Variants in PPIH observed in about 807,000 individuals in gnomAD.
PPIH encodes the protein peptidylprolyl isomerase H.
A neutral mutation model predicts 27.6 loss-of-function variants in PPIH; 16 were observed. The observed-to-expected ratio is 0.58, with a 90% CI of 0.39 to 0.88. The LOEUF is 0.88. PPIH is among the 40% of genes least tolerant of loss of function. The pLI, the probability that PPIH is intolerant of heterozygous loss-of-function variation, is 0.00. For missense variants in PPIH, 155 were observed against 224.1 expected (o/e 0.69, Z 1.97); for synonymous variants, 63 against 76.1 (o/e 0.83, Z 0.90).
downstream of PPIH, among the ~76,000 whole-genome samples, chr1:42,679,650 A>G (rs76018849): frequency 5.9e-3 from 892 of 152,398 alleles, 13 homozygotes; most frequent in African/African-American, 0.02. Context: ...AAGCAGTTAC[A>G]TAGTGAGGCT....
At chr1:42,674,575 C>T (rs572130594) in intron 9 of PPIH, among the ~76,000 whole-genome samples, 1 of 152,308 alleles carries the variant, frequency 6.6e-6, no homozygotes, top group East Asian at 1.9e-4. Flanking sequence ...AAAAGGGGCA[C>T]TGACCCTCCA....
At chr1:42,663,695 A>C (rs2148713556) in intron 5 of PPIH, among the ~76,000 whole-genome samples, 1 of 152,240 alleles carries the variant, frequency 6.6e-6, no homozygotes, top group East Asian at 1.9e-4. Flanking sequence ...CCACCACACC[A>C]GGCCAGGTCT....
At chr1:42,680,490 G>A (rs1231903170), downstream of PPIH, among the ~76,000 whole-genome samples, 1 of 152,222 alleles carries the variant, frequency 6.6e-6, no homozygotes, top group Non-Finnish European at 1.5e-5. Context: ...AGAAGTCATA[G>A]AGTCCAGTAA....
At chr1:42,675,004 T>G (rs908213236) in intron 9 of PPIH, among the ~76,000 whole-genome samples, 1 of 152,150 alleles carries the variant, frequency 6.6e-6, no homozygotes, top group African/African-American at 2.4e-5. Flanking sequence ...CTTAACAAAA[T>G]AAAGAGGTAG....
At chr1:42,666,705 C>A in intron 8 of PPIH, 118 bp downstream of exon 8, 1 of 1,072,214 alleles carries the variant, frequency 9.3e-7, no homozygotes, top group African/African-American at 1.8e-5. Flanking sequence ...TCTTCATTGC[C>A]CCAGGAAAAG....
intron 9 of PPIH, among the ~76,000 whole-genome samples, chr1:42,670,947 T>C (rs1255942672): frequency 2.0e-5 from 3 of 152,054 alleles, no homozygotes; most frequent in Non-Finnish European, 4.4e-5. Context: ...AGGCGCACGC[T>C]GCCATGCCTG....
In PPIH at chr1:42,658,834, C is replaced by T. The variant is rs752774627; in HGVS notation, c.67-10C>T. Reference sequence around the variant, plus strand: ...GACTGGGCCTTCTGACACTCTCCCGCTGATTGCAGGAAGTTGGCCGCATGA... The same window carrying T: ...GACTGGGCCTTCTGACACTCTCCCGTTGATTGCAGGAAGTTGGCCGCATGA... On this transcript the variant is annotated splice_polypyrimidine_tract_variant and intron_variant, in intron 1 of 9. Transcript: ENST00000304979. 6 of 1,614,222 alleles carry T rather than the reference C, an allele frequency of 3.7e-6. No individual in the cohort carries two copies. Among genetic ancestry groups the T allele is most frequent in the Non-Finnish European group, 5.1e-6 (6 of 1,180,022 alleles).
At chr1:42,675,917 G>A (rs906450999) in intron 9 of PPIH, among the ~76,000 whole-genome samples, 2 of 152,276 alleles carry the variant, frequency 1.3e-5, no homozygotes, top group Admixed American at 6.5e-5. Context: ...TCTCATCACT[G>A]TCTAATTCTG....
chr1:42,658,592 G>A, intron 1 of PPIH, 80 bp downstream of exon 1: 1 of 1,475,174 alleles, frequency 6.8e-7, no homozygotes. Context: ...CCCAGAGAGA[G>A]CGGACTCGGG....
intron 9 of PPIH, among the ~76,000 whole-genome samples, chr1:42,670,796 T>C (rs1649589422): frequency 6.6e-6 from 1 of 152,146 alleles, no homozygotes; most frequent in Non-Finnish European, 1.5e-5. Flanking sequence ...TTATTTTTTA[T>C]TTATTTTTTA....
intron 2 of PPIH, 144 bp downstream of exon 2, chr1:42,659,052 C>A: frequency 1.5e-6 from 2 of 1,337,612 alleles, no homozygotes; most frequent in South Asian, 1.3e-5. Context: ...GTCTGGTTGC[C>A]GTTTGGATTG....
Position 42,658,467 on chromosome 1 carries a change from T to G in PPIH, c.21T>G (p.Ser7Arg). 6.2e-7 allele frequency: 1 copy of G among 1,614,142 alleles called. No individual in the cohort carries two copies. Among genetic ancestry groups the G allele is most frequent in the Non-Finnish European group, 8.5e-7 (1 of 1,179,996 alleles). MAVANS[S>R]PVNPVVFFDV... is the part of the protein sequence containing the mutation. ...GAGCCATGGCGGTGGCAAATTCAAG[T>G]CCTGTTAACCCCGTGGTGTTCTTTG... Residue 7 changes from serine (S) to arginine (R), a missense_variant, in exon 1 of 10, where the codon AGT (serine) becomes AGG (arginine). This residue lies in a region of PPIH where 59 missense variants were observed against 48.8 expected (regional missense o/e 1.21). Transcript: ENST00000304979.
intron 5 of PPIH, 29 bp downstream of exon 5, chr1:42,660,933 C>A: frequency 6.3e-7 from 1 of 1,590,898 alleles, no homozygotes; most frequent in Non-Finnish European, 8.6e-7. Context: ...CTATCAAAGA[C>A]CCGTAGTTTT....
chr1:42,661,016 C>T, intron 5 of PPIH, 112 bp downstream of exon 5: 1 of 997,986 alleles, frequency 1.0e-6, no homozygotes, highest in South Asian at 1.4e-5. Context: ...GAACAATAGC[C>T]AGGTTTGATG....
At chr1:42,658,681 A>T in intron 1 of PPIH, 163 bp from the exon 2 acceptor site, 1 of 1,112,428 alleles carries the variant, frequency 9.0e-7, no homozygotes, top group Non-Finnish European at 1.3e-6. Flanking sequence ...GAGTCTCCCC[A>T]ATCCTAGCGC....
chr1:42,659,719 C>T (rs1199127589), intron 4 of PPIH, among the ~76,000 whole-genome samples, 153 bp downstream of exon 4: 1 of 152,204 alleles, frequency 6.6e-6, no homozygotes, highest in African/African-American at 2.4e-5. Context: ...ATTAAATGTT[C>T]TAACTCTACT....
chr1:42,671,241 C>T (rs927081146), intron 9 of PPIH, among the ~76,000 whole-genome samples: 6 of 152,016 alleles, frequency 3.9e-5, no homozygotes, highest in African/African-American at 1.2e-4. Flanking sequence ...CCAGCCTTGC[C>T]GACATGGTAA....
At chr1:42,660,408 GAAT>G (rs1648941052) in intron 4 of PPIH, among the ~76,000 whole-genome samples, 1 of 152,038 alleles carries the variant, frequency 6.6e-6, no homozygotes, top group South Asian at 2.1e-4. Flanking sequence ...TTCAGGAAAA[GAAT>G]AATCTTCAGG....
intron 9 of PPIH, chr1:42,675,163 T>C (rs1023510931): frequency 6.6e-6 from 1 of 152,188 alleles, no homozygotes; most frequent in African/African-American, 2.4e-5. Context: ...TTCTGCAGAG[T>C]AGAGATAGCA....
Sources: allele counts gnomAD v4.1 joint callset (sites outside exome capture counted in the v4.1 genomes callset), GRCh38; gene constraint gnomAD v4.1.1; regional missense constraint gnomAD v4.1.1; transcripts MANE v1.5; gene names NCBI Gene and HGNC (gene_info 2026-07-23, HGNC 2026-07-21).